The following SDCCAG8 variants were observed in gnomAD, a reference collection of about 807,000 sequenced individuals.
The protein encoded by SDCCAG8 is serologically defined colon cancer antigen 8.
SDCCAG8 carries 74 observed loss-of-function variants against 101.8 expected under a neutral mutation model. That is an observed-to-expected ratio of 0.73 (90% CI 0.60 to 0.88). SDCCAG8 has a LOEUF of 0.88. Ranked by LOEUF, SDCCAG8 falls within the 40% of genes least tolerant of loss-of-function variation. SDCCAG8 has a pLI of 0.00. For missense variants in SDCCAG8, 787 were observed against 822.6 expected (o/e 0.96, Z 0.53); for synonymous variants, 281 against 292.9 (o/e 0.96, Z 0.41).
Position 243,295,532 on chromosome 1 carries a change from G to A in SDCCAG8, c.675+2313G>A, listed in dbSNP as rs572371067. On this transcript the variant is annotated intron_variant, in intron 6 of 17. Coordinates refer to ENST00000366541, the MANE Select transcript of SDCCAG8 (RefSeq NM_006642.5). ...ATTACAGGCATGAGCCACTGTACTC[G>A]GCCTCACTCTTCTCCCGTCACTCTT... is the stretch of plus-strand genomic sequence containing the variant. Among the ~76,000 whole-genome samples, 39 of 152,198 alleles carry A rather than the reference G, an allele frequency of 2.6e-4. No homozygotes were observed. In the South Asian group the frequency reaches 5.6e-3, roughly 22 times the overall value.
intron 13 of SDCCAG8, among the ~76,000 whole-genome samples, chr1:243,388,053 C>T (rs1473908339): frequency 6.6e-6 from 1 of 152,076 alleles, no homozygotes; most frequent in East Asian, 1.9e-4. Flanking sequence ...ATTGTTTGAC[C>T]TCCCAGCCTA....
chr1:243,450,889 C>A (rs1485155624), intron 16 of SDCCAG8, among the ~76,000 whole-genome samples: 4 of 152,196 alleles, frequency 2.6e-5, no homozygotes, highest in African/African-American at 7.2e-5. Context: ...GAACTCCTGA[C>A]CTCAGGTGAT....
intron 16 of SDCCAG8, among the ~76,000 whole-genome samples, chr1:243,436,719 A>T (rs1306699202): frequency 6.6e-6 from 1 of 152,218 alleles, no homozygotes; most frequent in African/African-American, 2.4e-5. Context: ...CTGACAAACC[A>T]TCTATAACCT....
At position 243,330,705 on chromosome 1, in the gene SDCCAG8, T is replaced by G; in HGVS notation, c.1221+13T>G. On this transcript the variant is annotated intron_variant, in intron 10 of 17. Transcript: ENST00000366541. The stretch of plus-strand genomic sequence containing the variant: ...CATGGGATCAAAGGTACTTAAGGAC[T>G]CTGCTGTTATCCACATTGCAGAAGA... The G allele has an allele frequency of 6.2e-7, 1 of 1,613,938 alleles. No homozygotes were observed. The highest frequency in any genetic ancestry group is 8.5e-7 in the Non-Finnish European group (1 of 1,179,816).
intron 16 of SDCCAG8, among the ~76,000 whole-genome samples, chr1:243,487,529 G>A (rs1665227137): frequency 6.6e-6 from 1 of 152,190 alleles, no homozygotes; most frequent in African/African-American, 2.4e-5. Flanking sequence ...CTTGGATGGA[G>A]GATCTTTGCT....
intron 12 of SDCCAG8, among the ~76,000 whole-genome samples, chr1:243,360,714 C>T (rs1285378555): frequency 1.3e-5 from 2 of 151,916 alleles, no homozygotes; most frequent in African/African-American, 4.8e-5. Flanking sequence ...CCCAGCTACT[C>T]GGGAGGCTGA....
intron 12 of SDCCAG8, among the ~76,000 whole-genome samples, chr1:243,366,319 C>T (rs1385378772): frequency 6.6e-6 from 1 of 151,742 alleles, no homozygotes; most frequent in Non-Finnish European, 1.5e-5. Context: ...TATATTTAGT[C>T]TTGGTTTTTA....
chr1:243,278,880 G>T (rs1010902492), intron 4 of SDCCAG8, among the ~76,000 whole-genome samples: 4 of 151,870 alleles, frequency 2.6e-5, no homozygotes. Context: ...CATCCTGGGC[G>T]CAAGTGATCC....
At chr1:243,433,308 C>G (rs978414480) in intron 16 of SDCCAG8, among the ~76,000 whole-genome samples, 2 of 149,804 alleles carry the variant, frequency 1.3e-5, no homozygotes, top group African/African-American at 4.9e-5. Context: ...GCCGAGATCG[C>G]GCCACTGCAC....
rs1456649549 is a variant in SDCCAG8 at position 243,458,915 on chromosome 1, A to G, written c.1986-30099A>G. On this transcript the variant is annotated intron_variant, in intron 16 of 17. Coordinates refer to ENST00000366541, the MANE Select transcript of SDCCAG8 (RefSeq NM_006642.5). This position sits in a 1 kb window ranked among gnomAD's most constrained non-coding sequence, Gnocchi z 4.5. Reference sequence around the variant, plus strand: ...CAAGATACGTGCCTTAAGCTATTGCATGAATATCTCTATGTGGGAAATTCT... The same window carrying G: ...CAAGATACGTGCCTTAAGCTATTGCGTGAATATCTCTATGTGGGAAATTCT... 1.3e-5 allele frequency among the ~76,000 whole-genome samples: 2 copies of G among 152,252 alleles called. No homozygotes were observed. Among genetic ancestry groups the G allele is most frequent in the African/African-American group, 4.8e-5 (2 of 41,464 alleles).
intron 11 of SDCCAG8, among the ~76,000 whole-genome samples, chr1:243,342,539 A>G (rs4658558): frequency 0.38 from 57,913 of 152,112 alleles, 12,474 homozygotes; most frequent in East Asian, 0.8. Context: ...CAGTTTTTAC[A>G]TAACCAGCTT....
chr1:243,256,058 G>A lies in SDCCAG8; in HGVS notation c.-116G>A. On this transcript the variant is annotated 5_prime_UTR_variant, in exon 1 of 18. Coordinates refer to ENST00000366541, the MANE Select transcript of SDCCAG8 (RefSeq NM_006642.5). ...TGTGCGGGATTCTAGGCTCCCCTGT[G>A]ACAGCCGCGGCAGGAAGCAGGCGGG... 1 of 959,910 alleles carries A rather than the reference G, an allele frequency of 1.0e-6. No individual in the cohort carries two copies. Among genetic ancestry groups the A allele is most frequent in the Non-Finnish European group, 1.7e-6 (1 of 584,388 alleles). 59.5% of individuals were successfully genotyped at this position (959,910 alleles called of 1,614,324 possible).
rs536825336 is a variant in SDCCAG8 at position 243,428,099 on chromosome 1, G to C, written c.1985+1541G>C. 2.6e-5 allele frequency among the ~76,000 whole-genome samples: 4 copies of C among 152,294 alleles called. No homozygotes were observed. The South Asian group carries it at 8.3e-4, about 32-fold the overall frequency. On this transcript the variant is annotated intron_variant, in intron 16 of 17. Coordinates refer to ENST00000366541, the MANE Select transcript of SDCCAG8 (RefSeq NM_006642.5). ...TCTTTCCATTTATTTTCTTACATTT[G>C]TGTATTGCTTTAGAGTTCCTAGAAT...
intron 6 of SDCCAG8, among the ~76,000 whole-genome samples, chr1:243,297,089 T>C (rs2071008516): frequency 6.6e-6 from 1 of 152,232 alleles, no homozygotes; most frequent in Non-Finnish European, 1.5e-5. Context: ...CTTCATGCCA[T>C]TAAAGCTAAT....
chr1:243,378,812 T>C lies in SDCCAG8; in HGVS notation c.1565T>C (p.Leu522Pro). Residue 522 changes from leucine to proline, a missense_variant, in exon 13 of 18, where the codon CTG becomes CCG. Leu to Pro is a moderately conservative substitution (Grantham distance 98, BLOSUM62 -3). Transcript: ENST00000366541. The stretch of plus-strand genomic sequence containing the variant: ...GCAGCCCTGGCCAGAGAGGAGTGCC[T>C]GAGACTAACAGAACTGCTGGGCGAA... The part of the protein sequence containing the change: ...QKAALAREEC[L>P]RLTELLGESE... The C allele has an allele frequency of 6.2e-7, 1 of 1,614,106 alleles. No homozygotes were observed.
At chr1:243,293,007 G>T in intron 5 of SDCCAG8, 84 bp from the exon 6 acceptor site, 1 of 1,492,992 alleles carries the variant, frequency 6.7e-7, no homozygotes, top group Non-Finnish European at 9.3e-7. Context: ...TTCATCATAG[G>T]TAAGAATAGG....
chr1:243,346,300 G>T (rs1446472017), intron 12 of SDCCAG8: 1 of 154,334 alleles, frequency 6.5e-6, no homozygotes. Context: ...ACTTTTAAAA[G>T]CGGGGCATGT....
intron 5 of SDCCAG8, among the ~76,000 whole-genome samples, chr1:243,291,092 C>G (rs995121178): frequency 1.3e-5 from 2 of 152,186 alleles, no homozygotes; most frequent in African/African-American, 4.8e-5. Flanking sequence ...TTACCACGTT[C>G]GAGCATGATG....
chr1:243,461,630 T>A (rs1659124179), intron 16 of SDCCAG8, among the ~76,000 whole-genome samples: 1 of 152,220 alleles, frequency 6.6e-6, no homozygotes, highest in Non-Finnish European at 1.5e-5. Flanking sequence ...ACATGACCAT[T>A]CTGCTGAGTT....
Sources: allele counts gnomAD v4.1 joint callset (sites outside exome capture counted in the v4.1 genomes callset), GRCh38; gene constraint gnomAD v4.1.1; non-coding constraint Gnocchi (gnomAD v3.1); transcripts MANE v1.5; gene names NCBI Gene and HGNC (gene_info 2026-07-23, HGNC 2026-07-21).